Variants in TRIM44 observed in about 807,000 individuals in gnomAD.
TRIM44 encodes tripartite motif containing 44.
TRIM44 carries 13 observed loss-of-function variants against 37.4 expected under a neutral mutation model. The observed-to-expected ratio is 0.35, with a 90% CI of 0.23 to 0.55. TRIM44 has a LOEUF of 0.55. TRIM44 is among the 20% of genes least tolerant of loss of function. TRIM44 has a pLI of 0.89. For synonymous variants in TRIM44, 175 were observed against 157.2 expected (o/e 1.11, Z -0.85); for missense variants, 426 against 437.2 (o/e 0.97, Z 0.23).
chr11:35,721,455 A>G (rs1347089410), intron 2 of TRIM44, among the ~76,000 whole-genome samples: 1 of 152,220 alleles, frequency 6.6e-6, no homozygotes, highest in Admixed American at 6.5e-5. Context: ...AATAGTAAAT[A>G]CCATTATATT....
chr11:35,767,050 G>T (rs1487357400), intron 4 of TRIM44, among the ~76,000 whole-genome samples: 2 of 152,250 alleles, frequency 1.3e-5, no homozygotes, highest in Middle Eastern at 3.4e-3. Flanking sequence ...TAAACAACAC[G>T]TTTCTGGTGC....
chr11:35,741,183 G>A (rs1394407088), intron 4 of TRIM44, among the ~76,000 whole-genome samples: 4 of 152,130 alleles, frequency 2.6e-5, no homozygotes, highest in African/African-American at 9.7e-5. Flanking sequence ...GCAAAGTGGG[G>A]TGCCAACATC....
At chr11:35,804,721 C>G (rs751817643) in intron 4 of TRIM44, among the ~76,000 whole-genome samples, 2 of 152,138 alleles carry the variant, frequency 1.3e-5, no homozygotes, top group Non-Finnish European at 2.9e-5. Context: ...AATGACAGCC[C>G]ACTGTCCAGC....
chr11:35,700,022 G>C (rs192343252), intron 2 of TRIM44, among the ~76,000 whole-genome samples: 1 of 152,244 alleles, frequency 6.6e-6, no homozygotes, highest in Admixed American at 6.5e-5. Context: ...TGGCCATACT[G>C]CCCAAGGTAA....
chr11:35,767,349 A>T (rs961597331), intron 4 of TRIM44, among the ~76,000 whole-genome samples: 1 of 152,152 alleles, frequency 6.6e-6, no homozygotes. Context: ...AAGAACAAAG[A>T]AAAGACCAAA....
At chr11:35,680,753 G>A (rs962903808) in intron 1 of TRIM44, among the ~76,000 whole-genome samples, 5 of 152,144 alleles carry the variant, frequency 3.3e-5, no homozygotes, top group African/African-American at 4.8e-5. Flanking sequence ...ACAACATATG[G>A]AAGTCCCCAA....
chr11:35,663,671 G>C lies in TRIM44; in HGVS notation c.560G>C (p.Ser187Thr). ...RKCPDHGLDL[S>T]TYCQEDRQLI... ...TGTCCGGACCATGGGCTTGATTTGAGTACCTATTGCCAGGAAGATAGGCAG... is the reference window on the plus strand; with the variant it reads ...TGTCCGGACCATGGGCTTGATTTGACTACCTATTGCCAGGAAGATAGGCAG... Residue 187 changes from serine (S) to threonine (T), a missense_variant, in exon 1 of 5, where the codon AGT becomes ACT. By Grantham distance (58) the Ser-to-Thr change is moderately conservative. Coordinates refer to ENST00000299413, the MANE Select transcript of TRIM44 (RefSeq NM_017583.6). 2.5e-6 allele frequency: 4 copies of C among 1,614,190 alleles called. No individual in the cohort carries two copies. The highest frequency in any genetic ancestry group is 3.4e-6 in the Non-Finnish European group (4 of 1,180,040).
At chr11:35,756,668 A>C (rs1852647158) in intron 4 of TRIM44, among the ~76,000 whole-genome samples, 1 of 151,994 alleles carries the variant, frequency 6.6e-6, no homozygotes, top group Non-Finnish European at 1.5e-5. Context: ...TTATTATTTC[A>C]AGATACATCC....
intron 4 of TRIM44, among the ~76,000 whole-genome samples, chr11:35,767,601 TTG>T (rs1337245358): frequency 6.6e-6 from 1 of 152,056 alleles, no homozygotes; most frequent in Non-Finnish European, 1.5e-5. Context: ...GGAAAAAAAG[TTG>T]TATATATATA....
chr11:35,781,115 G>T (rs1466889427), intron 4 of TRIM44, among the ~76,000 whole-genome samples: 4 of 152,110 alleles, frequency 2.6e-5, no homozygotes, highest in Admixed American at 2.6e-4. Context: ...TGTTCAAAGG[G>T]CCAAGGAGGT....
At chr11:35,694,418 A>C (rs565356826) in intron 2 of TRIM44, among the ~76,000 whole-genome samples, 1 of 152,254 alleles carries the variant, frequency 6.6e-6, no homozygotes, top group African/African-American at 2.4e-5. Flanking sequence ...ATGTACCATT[A>C]AAGTTTCTCA....
At position 35,747,344 on chromosome 11, in the gene TRIM44, T is replaced by A. The variant is rs567101631; in HGVS notation, c.1007+11899T>A. Reference sequence around the variant, plus strand: ...GAGGACAGTTATTCTAATCCCATTTTTGTTTGTGTATATGAAGATAGTGAT... The same window carrying A: ...GAGGACAGTTATTCTAATCCCATTTATGTTTGTGTATATGAAGATAGTGAT... On this transcript the variant is annotated intron_variant, in intron 4 of 4. Transcript: ENST00000299413. Among the ~76,000 whole-genome samples, 3 of 152,330 alleles carry A rather than the reference T, an allele frequency of 2.0e-5. No homozygotes were observed. In the South Asian group the frequency reaches 6.2e-4, roughly 32 times the overall value.
chr11:35,802,343 T>G (rs1436598737), intron 4 of TRIM44, among the ~76,000 whole-genome samples: 4 of 152,148 alleles, frequency 2.6e-5, no homozygotes, highest in Admixed American at 6.5e-5. Flanking sequence ...CTCATAGGAC[T>G]CCTCTAAGGG....
chr11:35,800,603 C>T (rs1003082382), intron 4 of TRIM44, among the ~76,000 whole-genome samples: 2 of 152,176 alleles, frequency 1.3e-5, no homozygotes, highest in Non-Finnish European at 1.5e-5. Context: ...CCACTCGACC[C>T]AGGAGGTCCA....
intron 2 of TRIM44, among the ~76,000 whole-genome samples, chr11:35,717,869 G>A (rs1852057304): frequency 6.6e-6 from 1 of 151,764 alleles, no homozygotes; most frequent in African/African-American, 2.4e-5. Context: ...GCCAAACTCA[G>A]TTTCCTTTTA....
rs192730197 is a variant in TRIM44, at chr11:35,696,756, A to C, written c.747+11420A>C. Among the ~76,000 whole-genome samples the C allele has an allele frequency of 2.2e-3, 335 of 151,870 alleles. 1 individual carries two copies. The highest frequency in any genetic ancestry group is 7.8e-3 in the African/African-American group (323 of 41,466). ...CAGCTGCTTGGGAGGCTGAGGTAGG[A>C]GAATTGCTTGAACCCAGGAGGCGGA... On this transcript the variant is annotated intron_variant, in intron 2 of 4. Transcript: ENST00000299413.
chr11:35,778,515 G>A (rs1233662909), intron 4 of TRIM44, among the ~76,000 whole-genome samples: 2 of 152,224 alleles, frequency 1.3e-5, no homozygotes, highest in East Asian at 3.9e-4. Context: ...AAGTAGCTGC[G>A]TTCCTTTAGA....
intron 4 of TRIM44, among the ~76,000 whole-genome samples, chr11:35,756,639 G>T (rs1320275468): frequency 1.3e-5 from 2 of 152,008 alleles, no homozygotes; most frequent in African/African-American, 2.4e-5. Context: ...ATTGGCTGTG[G>T]GTTTGTCATA....
At chr11:35,667,056 A>G (rs1851340544) in intron 1 of TRIM44, among the ~76,000 whole-genome samples, 3 of 152,166 alleles carry the variant, frequency 2.0e-5, no homozygotes, top group South Asian at 4.1e-4. Flanking sequence ...CCTTGTTCCT[A>G]GTCTAGCAGT....
Sources: gnomAD v4.1 joint callset for allele counts (sites outside exome capture counted in the v4.1 genomes callset) on GRCh38, gnomAD v4.1.1 for gene constraint, MANE v1.5 for transcripts, NCBI Gene and HGNC (gene_info 2026-07-23, HGNC 2026-07-21) for gene names.